PARP8: variants seen among roughly 807,000 people sequenced by gnomAD.
PARP8 encodes the protein poly(ADP-ribose) polymerase family member 8.
A neutral mutation model predicts 124.1 loss-of-function variants in PARP8; 51 were observed. The ratio of observed to expected loss-of-function variants is 0.41; its 90% confidence interval spans 0.33 to 0.52. The LOEUF is 0.52. PARP8 is among the 20% of genes least tolerant of loss of function. The pLI, the probability that PARP8 is intolerant of heterozygous loss-of-function variation, is 0.21. For synonymous variants in PARP8, 391 were observed against 361.5 expected (o/e 1.08, Z -0.93); for missense variants, 860 against 1,018.9 (o/e 0.84, Z 2.12).
chr5:50,679,317 C>A (rs1005080544), intron 2 of PARP8, among the ~76,000 whole-genome samples: 2 of 152,168 alleles, frequency 1.3e-5, no homozygotes, highest in African/African-American at 4.8e-5. Context: ...AGCGTTAATG[C>A]TTTTCCTTTC....
intron 7 of PARP8, among the ~76,000 whole-genome samples, chr5:50,771,799 T>G (rs1421224774): frequency 6.6e-6 from 1 of 152,256 alleles, no homozygotes; most frequent in Non-Finnish European, 1.5e-5. Flanking sequence ...ATATACATTG[T>G]GTACTGGTCA....
chr5:50,675,439 G>T (rs549639408), intron 2 of PARP8, among the ~76,000 whole-genome samples: 1 of 152,226 alleles, frequency 6.6e-6, no homozygotes, highest in East Asian at 1.9e-4. Flanking sequence ...CAAGTAACTG[G>T]GATTACAGGC....
intron 20 of PARP8, 105 bp downstream of exon 20, chr5:50,828,161 G>T: frequency 8.9e-7 from 1 of 1,120,940 alleles, no homozygotes. Flanking sequence ...TCAGTAGATG[G>T]TCATTCAACA....
chr5:50,675,725 T>C (rs1440331153), intron 2 of PARP8, among the ~76,000 whole-genome samples: 1 of 152,182 alleles, frequency 6.6e-6, no homozygotes, highest in Non-Finnish European at 1.5e-5. Context: ...ATATAATTAG[T>C]TTACATTTGT....
At chr5:50,786,835 C>T (rs544235471) in intron 9 of PARP8, among the ~76,000 whole-genome samples, 1 of 152,256 alleles carries the variant, frequency 6.6e-6, no homozygotes, top group South Asian at 2.1e-4. Flanking sequence ...CATTCAGCCT[C>T]ATGCCTTTAT....
intron 6 of PARP8, 89 bp downstream of exon 6, chr5:50,761,987 A>T: frequency 1.4e-6 from 1 of 729,854 alleles, no homozygotes. Context: ...GAGTTAAGGG[A>T]CCTGTGTGTT....
intron 25 of PARP8, among the ~76,000 whole-genome samples, chr5:50,838,651 G>A (rs1409099424): frequency 6.6e-6 from 1 of 151,842 alleles, no homozygotes; most frequent in Non-Finnish European, 1.5e-5. Context: ...ATTATTCACT[G>A]CCCAGACAGG....
chr5:50,723,746 G>A (rs1228586243), intron 2 of PARP8, among the ~76,000 whole-genome samples: 1 of 152,110 alleles, frequency 6.6e-6, no homozygotes, highest in Non-Finnish European at 1.5e-5. Context: ...AATATTTTCA[G>A]ATTTTGCCAA....
At chr5:50,773,981 T>C (rs1761899672) in intron 7 of PARP8, among the ~76,000 whole-genome samples, 1 of 152,086 alleles carries the variant, frequency 6.6e-6, no homozygotes, top group South Asian at 2.1e-4. Flanking sequence ...CAGAGGTCCC[T>C]GCGGCCTTCC....
intron 14 of PARP8, among the ~76,000 whole-genome samples, chr5:50,803,500 C>G (rs1412976905): frequency 3.3e-5 from 5 of 152,062 alleles, no homozygotes; most frequent in Non-Finnish European, 7.4e-5. Flanking sequence ...AGATCTCTTA[C>G]ACTTTGTTCA....
intron 22 of PARP8, 79 bp from the exon 23 acceptor site, chr5:50,832,702 T>G: frequency 7.1e-7 from 1 of 1,403,540 alleles, no homozygotes; most frequent in Non-Finnish European, 1.0e-6. Flanking sequence ...AGAATGGAAC[T>G]TTGCATAGTA....
In PARP8 at chr5:50,788,172, A is replaced by G. The variant is rs539327944; in HGVS notation, c.671-351A>G. ...ATTCTTTCTTACATTTACATATATT[A>G]TACATTAATATATAATATATTAATG... is the stretch of plus-strand genomic sequence containing the variant. On this transcript the variant is annotated intron_variant, in intron 9 of 25. Coordinates refer to ENST00000281631, the MANE Select transcript of PARP8 (RefSeq NM_024615.4). Among the ~76,000 whole-genome samples the G allele has an allele frequency of 2.8e-3, 415 of 146,564 alleles. 2 individuals carry two copies. Among genetic ancestry groups the G allele is most frequent in the Admixed American group, 6.8e-3 (98 of 14,414 alleles).
At chr5:50,712,412 AAACT>A (rs1409932657) in intron 2 of PARP8, among the ~76,000 whole-genome samples, 1 of 152,162 alleles carries the variant, frequency 6.6e-6, no homozygotes, top group Admixed American at 6.6e-5. Context: ...TTGATGGCAG[AAACT>A]AACAGGAGCT....
At chr5:50,733,074 G>T (rs1304330338) in intron 2 of PARP8, among the ~76,000 whole-genome samples, 1 of 151,864 alleles carries the variant, frequency 6.6e-6, no homozygotes, top group Non-Finnish European at 1.5e-5. Flanking sequence ...GGCCAAAGCG[G>T]GTGGATTGCC....
rs150207318 is a variant in PARP8, at chr5:50,823,074, C to T, written c.1860+674C>T. Among the ~76,000 whole-genome samples the T allele has an allele frequency of 5.4e-3, 829 of 152,310 alleles. 8 individuals are homozygous for T. Among genetic ancestry groups the T allele is most frequent in the South Asian group, 0.042 (202 of 4,824 alleles). On this transcript the variant is annotated intron_variant, in intron 17 of 25. Transcript: ENST00000281631. ...GAAATTAATAATCTGAGATTGACAA[C>T]GCACATTATGTGTGCAGCTTGCATG...
rs1746256839 is a variant in PARP8, at chr5:50,825,610, CTT to C, written c.1928+636_1928+637del. Among the ~76,000 whole-genome samples the C allele has an allele frequency of 1.3e-5, 2 of 152,276 alleles. 1 individual carries two copies. The highest frequency in any genetic ancestry group is 1.3e-4 in the Admixed American group (2 of 15,298). On this transcript the variant is annotated intron_variant, in intron 18 of 25. Coordinates refer to ENST00000281631, the MANE Select transcript of PARP8 (RefSeq NM_024615.4). ...TCTTCTACTTCTAATAATTTCCTCT[CTT>C]GTTTCTCATTTGCAAAATGAAGACA...
intron 2 of PARP8, among the ~76,000 whole-genome samples, chr5:50,682,579 A>G (rs1328310191): frequency 6.6e-6 from 1 of 152,160 alleles, no homozygotes; most frequent in Admixed American, 6.5e-5. Context: ...AAAAATTACC[A>G]GTGTCCCACA....
intron 2 of PARP8, among the ~76,000 whole-genome samples, chr5:50,694,891 CA>C (rs1431092153): frequency 6.6e-6 from 1 of 152,112 alleles, no homozygotes; most frequent in African/African-American, 2.4e-5. Context: ...TCCAAGAGTC[CA>C]AAAGCTGAAG....
intron 2 of PARP8, among the ~76,000 whole-genome samples, chr5:50,691,874 C>T (rs1752529827): frequency 6.6e-6 from 1 of 152,142 alleles, no homozygotes; most frequent in Non-Finnish European, 1.5e-5. Context: ...CCTAAGATGT[C>T]TTCATCTCCC....
Sources: allele counts gnomAD v4.1 joint callset (sites outside exome capture counted in the v4.1 genomes callset), GRCh38; gene constraint gnomAD v4.1.1; transcripts MANE v1.5; gene names NCBI Gene and HGNC (gene_info 2026-07-23, HGNC 2026-07-21).